Variants in TRPM3 observed in about 807,000 individuals in gnomAD.
TRPM3 encodes long transient receptor potential channel 3.
In TRPM3, 77 loss-of-function variants were observed where a neutral mutation model predicts 181.2. That is an observed-to-expected ratio of 0.42 (90% CI 0.35 to 0.51). The LOEUF (loss-of-function observed/expected upper bound fraction) is 0.51, where lower values mean the gene tolerates loss of function less well. TRPM3 is among the 20% of genes least tolerant of loss of function. The pLI is 0.01. For missense variants in TRPM3, 1,759 were observed against 2,196.7 expected (o/e 0.80, Z 3.98); for synonymous variants, 745 against 796.4 (o/e 0.94, Z 1.09).
intron 6 of TRPM3, among the ~76,000 whole-genome samples, chr9:70,815,920 G>T (rs1367269744): frequency 1.3e-5 from 2 of 152,182 alleles, no homozygotes; most frequent in Admixed American, 6.5e-5. Flanking sequence ...GCTGAGCCAA[G>T]AAATTGTTTT....
At chr9:71,119,940 C>T (rs2073249253) in intron 1 of TRPM3, among the ~76,000 whole-genome samples, 1 of 152,182 alleles carries the variant, frequency 6.6e-6, no homozygotes, top group Non-Finnish European at 1.5e-5. Context: ...CCATGACAAC[C>T]ATATGATGGG....
chr9:71,045,680 T>C (rs951302822), intron 1 of TRPM3, among the ~76,000 whole-genome samples: 30 of 152,144 alleles, frequency 2.0e-4, no homozygotes, highest in African/African-American at 7.2e-4. Context: ...AGAGTTTTCC[T>C]AAAGGAGAGA....
intron 1 of TRPM3, among the ~76,000 whole-genome samples, chr9:71,396,683 C>T (rs921613031): frequency 2.6e-5 from 4 of 151,600 alleles, no homozygotes; most frequent in South Asian, 2.1e-4. Context: ...AAAAAAATGC[C>T]GGGCGTGGTG....
chr9:70,975,480 A>G (rs2097293788), intron 1 of TRPM3, among the ~76,000 whole-genome samples: 1 of 152,208 alleles, frequency 6.6e-6, no homozygotes, highest in Non-Finnish European at 1.5e-5. Flanking sequence ...TCATATCAGT[A>G]GAAAAATAGA....
intron 1 of TRPM3, among the ~76,000 whole-genome samples, chr9:70,978,707 C>G (rs773958292): frequency 7.9e-5 from 12 of 152,148 alleles, no homozygotes; most frequent in Non-Finnish European, 1.8e-4. Context: ...TAAATTGTTT[C>G]ATAAAACACC....
intron 1 of TRPM3, among the ~76,000 whole-genome samples, chr9:71,351,854 TTTTG>T (rs1276915133): frequency 3.5e-5 from 5 of 144,706 alleles, no homozygotes; most frequent in South Asian, 2.3e-4. Flanking sequence ...AATGGGAAGT[TTTTG>T]TTTGTTTGTT....
chr9:70,811,795 G>GTTTCT (rs774622742), intron 6 of TRPM3, among the ~76,000 whole-genome samples: 3 of 151,988 alleles, frequency 2.0e-5, no homozygotes, highest in Non-Finnish European at 2.9e-5. Flanking sequence ...AATCTACCCA[G>GTTTCT]TTTCTTTTCT....
At chr9:70,836,414 T>G (rs1311788617) in intron 5 of TRPM3, among the ~76,000 whole-genome samples, 2 of 152,188 alleles carry the variant, frequency 1.3e-5, no homozygotes, top group Non-Finnish European at 2.9e-5. Context: ...CTGCCAACTC[T>G]GCTTCTCCAC....
chr9:71,256,906 A>G (rs2082708767), intron 1 of TRPM3, among the ~76,000 whole-genome samples: 1 of 152,170 alleles, frequency 6.6e-6, no homozygotes, highest in Non-Finnish European at 1.5e-5. Context: ...AAAAAAAAAT[A>G]CTGGTAAGTA....
At chr9:70,820,560 C>G (rs1428368118) in intron 6 of TRPM3, among the ~76,000 whole-genome samples, 1 of 152,094 alleles carries the variant, frequency 6.6e-6, no homozygotes, top group African/African-American at 2.4e-5. Context: ...ACACCTTGGG[C>G]TCTGATGGGC....
At chr9:70,661,171 G>A (rs1041095964) in intron 9 of TRPM3, among the ~76,000 whole-genome samples, 1 of 151,782 alleles carries the variant, frequency 6.6e-6, no homozygotes, top group Admixed American at 6.6e-5. Flanking sequence ...TACATAAACA[G>A]AATTAAAAAC....
At chr9:70,832,822 T>G (rs189044245) in intron 5 of TRPM3, among the ~76,000 whole-genome samples, 23 of 152,308 alleles carry the variant, frequency 1.5e-4, no homozygotes, top group Admixed American at 3.9e-4. Flanking sequence ...AGGAGATGGG[T>G]GTTCTAGCTC....
At chr9:71,390,992 T>G (rs1011655770) in intron 1 of TRPM3, among the ~76,000 whole-genome samples, 1 of 151,962 alleles carries the variant, frequency 6.6e-6, no homozygotes, top group Non-Finnish European at 1.5e-5. Context: ...GTAAAGGTAC[T>G]GAGACACAAA....
At chr9:71,235,248 C>T (rs1438992415) in intron 1 of TRPM3, among the ~76,000 whole-genome samples, 1 of 152,228 alleles carries the variant, frequency 6.6e-6, no homozygotes, top group Non-Finnish European at 1.5e-5. Flanking sequence ...TTCAGAGAGG[C>T]CTTCCTTGAC....
At chr9:70,673,269 A>G (rs1156641796) in intron 9 of TRPM3, among the ~76,000 whole-genome samples, 8 of 105,666 alleles carry the variant, frequency 7.6e-5, no homozygotes, top group Admixed American at 7.1e-4. Flanking sequence ...CTGGACTCCA[A>G]CTTCTGATGA....
chr9:70,985,443 A>G (rs943112741), intron 1 of TRPM3, among the ~76,000 whole-genome samples: 2 of 152,220 alleles, frequency 1.3e-5, no homozygotes, highest in Non-Finnish European at 2.9e-5. Flanking sequence ...GGCAGTATTG[A>G]GGCTCCAAAC....
At chr9:70,678,847 T>C (rs1401868423) in intron 9 of TRPM3, among the ~76,000 whole-genome samples, 1 of 152,252 alleles carries the variant, frequency 6.6e-6, no homozygotes, top group Non-Finnish European at 1.5e-5. Context: ...CCAATATAAG[T>C]AGGCTCTTGG....
At chr9:71,175,439 A>C (rs2077058822) in intron 1 of TRPM3, among the ~76,000 whole-genome samples, 1 of 152,176 alleles carries the variant, frequency 6.6e-6, no homozygotes, top group Non-Finnish European at 1.5e-5. Flanking sequence ...AGTGGGAAAA[A>C]TAAATCTCTA....
intron 1 of TRPM3, among the ~76,000 whole-genome samples, chr9:71,402,207 A>G (rs1309146254): frequency 1.3e-5 from 2 of 152,238 alleles, no homozygotes; most frequent in East Asian, 1.9e-4. Context: ...TTAAATATCG[A>G]GTTCACTTGT....
Sources: allele counts gnomAD v4.1 joint callset (sites outside exome capture counted in the v4.1 genomes callset), GRCh38; gene constraint gnomAD v4.1.1; transcripts MANE v1.5; gene names NCBI Gene and HGNC (gene_info 2026-07-23, HGNC 2026-07-21).